SIDT1: variants seen among roughly 807,000 people sequenced by gnomAD.
SIDT1 encodes SID1 transmembrane family member 1.
In SIDT1, 101 loss-of-function variants were observed where a neutral mutation model predicts 107.5. That is an observed-to-expected ratio of 0.94 (90% confidence interval 0.80 to 1.11). The LOEUF (loss-of-function observed/expected upper bound fraction) is 1.11. Among genes scored for constraint, SIDT1 ranks in the 50% least tolerant of loss-of-function variants. The probability of loss-of-function intolerance (pLI) is 0.00; values close to 1 mark genes in which losing one functional copy is unlikely to be tolerated. For missense variants in SIDT1, 1,076 were observed against 1,058.2 expected (o/e 1.02, Z -0.23); for synonymous variants, 395 against 398.2 (o/e 0.99, Z 0.10).
chr3:113,618,870 G>T (rs1464256483), intron 20 of SIDT1, among the ~76,000 whole-genome samples: 1 of 152,138 alleles, frequency 6.6e-6, no homozygotes, highest in Non-Finnish European at 1.5e-5. Context: ...TATCACCCAG[G>T]CTGGAGTGCA....
At chr3:113,590,807 T>C (rs1576876929) in intron 9 of SIDT1, among the ~76,000 whole-genome samples, 2 of 152,280 alleles carry the variant, frequency 1.3e-5, no homozygotes, top group East Asian at 3.9e-4. Flanking sequence ...TTGAAATAAA[T>C]TAAAGGAGAC....
the SIDT1 span, among the ~76,000 whole-genome samples, chr3:113,635,475 A>C: frequency 4.7e-4 from 72 of 152,360 alleles, no homozygotes; most frequent in Non-Finnish European, 7.3e-5. Context: ...CAGTGGTCAA[A>C]CCATCTTTGT....
chr3:113,589,981 G>C (rs1944026527), intron 9 of SIDT1: 1 of 152,734 alleles, frequency 6.5e-6, no homozygotes, highest in African/African-American at 2.4e-5. Flanking sequence ...ACATTTTACA[G>C]GGAAGAAATA....
At chr3:113,537,246 T>C (rs1309270517) in intron 1 of SIDT1, among the ~76,000 whole-genome samples, 1 of 152,242 alleles carries the variant, frequency 6.6e-6, no homozygotes, top group African/African-American at 2.4e-5. Context: ...TATCTTTTAA[T>C]GACATATATT....
intron 10 of SIDT1, among the ~76,000 whole-genome samples, chr3:113,596,086 G>A (rs1944526580): frequency 6.6e-6 from 1 of 152,224 alleles, no homozygotes; most frequent in South Asian, 2.1e-4. Flanking sequence ...GGAGCTCAGA[G>A]TTACAGGAAA....
chr3:113,537,714 G>A (rs556906399), intron 1 of SIDT1, among the ~76,000 whole-genome samples: 5 of 152,350 alleles, frequency 3.3e-5, no homozygotes, highest in African/African-American at 1.2e-4. Flanking sequence ...TTGTAGACAA[G>A]CTCCTTCTTG....
chr3:113,574,648 T>C (rs1300277576), intron 3 of SIDT1, among the ~76,000 whole-genome samples: 1 of 151,868 alleles, frequency 6.6e-6, no homozygotes, highest in Non-Finnish European at 1.5e-5. Flanking sequence ...CCCCGACCCA[T>C]GGGCCCCTTT....
rs187132223 is a variant in SIDT1, at chr3:113,600,999, G to A, written c.1046-589G>A. On this transcript the variant is annotated intron_variant, in intron 10 of 24. Coordinates refer to ENST00000264852, the MANE Select transcript of SIDT1 (RefSeq NM_017699.3). ...CAGCTTAGGCTGCCAAAAATGCTGCGTTAGCCAGAAGCCTTGCTGTCCAGC... is the reference window on the plus strand; with the variant it reads ...CAGCTTAGGCTGCCAAAAATGCTGCATTAGCCAGAAGCCTTGCTGTCCAGC... Among the ~76,000 whole-genome samples the A allele has an allele frequency of 6.2e-4, 94 of 152,306 alleles. 1 individual carries two copies. The highest frequency in any genetic ancestry group is 2.0e-3 in the African/African-American group (82 of 41,560).
At chr3:113,630,546 G>A (rs1017185970), downstream of SIDT1, among the ~76,000 whole-genome samples, 10 of 152,182 alleles carry the variant, frequency 6.6e-5, 1 homozygote, top group Admixed American at 5.2e-4. Context: ...TGCATGTGTC[G>A]GTAAATCAAA....
At chr3:113,540,601 T>A (rs1253092747) in intron 1 of SIDT1, among the ~76,000 whole-genome samples, 6 of 152,232 alleles carry the variant, frequency 3.9e-5, no homozygotes, top group Non-Finnish European at 8.8e-5. Context: ...ATTTTACTTC[T>A]GAATTTTAGA....
chr3:113,543,928 T>C (rs543531784), intron 1 of SIDT1, among the ~76,000 whole-genome samples: 82 of 152,312 alleles, frequency 5.4e-4, no homozygotes, highest in African/African-American at 1.8e-3. Context: ...AGTACTTCAG[T>C]GTATATTTCT....
At chr3:113,546,218 A>G (rs1939569422) in intron 1 of SIDT1, among the ~76,000 whole-genome samples, 1 of 152,212 alleles carries the variant, frequency 6.6e-6, no homozygotes. Flanking sequence ...TGAAGCATTA[A>G]GAGTCATTGT....
chr3:113,577,040 T>C, intron 4 of SIDT1, 73 bp downstream of exon 4: 1 of 1,425,248 alleles, frequency 7.0e-7, no homozygotes, highest in South Asian at 1.1e-5. Context: ...GAAACCATGT[T>C]ACCCTGGTAG....
Position 113,611,033 on chromosome 3 carries a change from T to G in SIDT1, c.1746T>G (p.Ala582=). 6.2e-7 allele frequency: 1 copy of G among 1,614,156 alleles called. No individual in the cohort carries two copies. Among genetic ancestry groups the G allele is most frequent in the Non-Finnish European group, 8.5e-7 (1 of 1,180,002 alleles). The change falls in exon 18 of 25, where the codon GCT becomes GCG. Residue 582 remains alanine, a synonymous_variant. Transcript: ENST00000264852. ...ACACCTCCTTCATGTACATGATCGC[T>G]GGCCTGTGCATGCTGAAGCTCTATC... The part of the protein sequence containing the change: ...QFDTSFMYMI[A]GLCMLKLYQT...
intron 1 of SIDT1, among the ~76,000 whole-genome samples, chr3:113,558,997 T>C (rs1488341755): frequency 1.3e-5 from 2 of 152,270 alleles, no homozygotes; most frequent in Non-Finnish European, 2.9e-5. Flanking sequence ...GATTTATCCA[T>C]ACTGATCCAC....
At chr3:113,615,834 A>G (rs753624425) in intron 19 of SIDT1, among the ~76,000 whole-genome samples, 12 of 152,236 alleles carry the variant, frequency 7.9e-5, no homozygotes, top group Non-Finnish European at 1.5e-4. Flanking sequence ...AGGGTCCACC[A>G]GCCACCCATG....
intron 10 of SIDT1, among the ~76,000 whole-genome samples, chr3:113,593,951 T>G (rs1037268224): frequency 5.3e-5 from 8 of 152,228 alleles, no homozygotes; most frequent in African/African-American, 1.9e-4. Flanking sequence ...AATTAAAAAT[T>G]TAAATGTCCT....
intron 7 of SIDT1, among the ~76,000 whole-genome samples, chr3:113,584,330 A>G (rs1196160314): frequency 6.6e-6 from 1 of 152,212 alleles, no homozygotes; most frequent in Non-Finnish European, 1.5e-5. Flanking sequence ...GAAACATACA[A>G]ACCAAAGGAA....
chr3:113,541,524 G>A (rs1179782359), intron 1 of SIDT1, among the ~76,000 whole-genome samples: 9 of 152,134 alleles, frequency 5.9e-5, no homozygotes, highest in South Asian at 2.1e-4. Context: ...CAATCATTTC[G>A]ATTGTCTAAA....
Sources: allele counts gnomAD v4.1 joint callset (sites outside exome capture counted in the v4.1 genomes callset), GRCh38; gene constraint gnomAD v4.1.1; transcripts MANE v1.5; gene names NCBI Gene and HGNC (gene_info 2026-07-23, HGNC 2026-07-21).